Variants in MEGF8 observed in about 807,000 individuals in gnomAD.
The protein encoded by MEGF8 is multiple epidermal growth factor-like domains protein 8.
MEGF8 carries 156 observed loss-of-function variants against 302.9 expected under a neutral mutation model. That is an observed-to-expected ratio of 0.52 (90% confidence interval 0.45 to 0.59). MEGF8 has a LOEUF of 0.59. MEGF8 is among the 20% of genes least tolerant of loss of function. The pLI, the probability that MEGF8 is intolerant of heterozygous loss-of-function variation, is 0.00. For synonymous variants in MEGF8, 1,621 were observed against 1,660.5 expected (o/e 0.98, Z 0.58); for missense variants, 3,345 against 3,964.5 (o/e 0.84, Z 4.20).
Position 42,362,435 on chromosome 19 carries a change from A to G in MEGF8, c.5896A>G (p.Ile1966Val). ...WCTNCPEGAC[I>V]GRNGSCTSEN... is the part of the protein sequence containing the mutation. ...TACCAACTGCCCCGAAGGTGCTTGCATTGGACGCAATGGGTCCTGCACCTC... is the reference window on the plus strand; with the variant it reads ...TACCAACTGCCCCGAAGGTGCTTGCGTTGGACGCAATGGGTCCTGCACCTC... The change falls in exon 34 of 42, where the codon ATT (isoleucine) becomes GTT (valine). Residue 1966 changes from isoleucine to valine, a missense_variant. Ile to Val is a conservative substitution (Grantham distance 29). Transcript: ENST00000251268. The G allele has an allele frequency of 6.2e-7, 1 of 1,613,986 alleles. No individual in the cohort carries two copies. The highest frequency in any genetic ancestry group is 8.5e-7 in the Non-Finnish European group (1 of 1,179,882).
At chr19:42,362,260 G>A (rs753232251) in intron 33 of MEGF8, 47 bp downstream of exon 33, 3 of 1,609,566 alleles carry the variant, frequency 1.9e-6, no homozygotes, top group East Asian at 4.5e-5. Context: ...GTGTAGGGCA[G>A]GGAGGTCCTG....
At chr19:42,367,435 C>T (rs1314372564) in intron 35 of MEGF8, among the ~76,000 whole-genome samples, 1 of 152,078 alleles carries the variant, frequency 6.6e-6, no homozygotes, top group Non-Finnish European at 1.5e-5. Flanking sequence ...ACTACAGGCG[C>T]CCGCCACCAC....
Position 42,337,100 on chromosome 19 carries a change from C to A in MEGF8, c.1407C>A (p.Thr469=). The A allele has an allele frequency of 1.2e-6, 2 of 1,613,966 alleles. No individual in the cohort carries two copies. Among genetic ancestry groups the A allele is most frequent in the Non-Finnish European group, 1.7e-6 (2 of 1,179,866 alleles). ...YMVVYGGNVH[T]HYQEEKCYED... is the part of the protein sequence containing the mutation. ...CATTCCCAGGGGGCAATGTGCACACCCATTACCAGGAGGAAAAGTGCTACG... is the reference window on the plus strand; with the variant it reads ...CATTCCCAGGGGGCAATGTGCACACACATTACCAGGAGGAAAAGTGCTACG... The change falls in exon 8 of 42, where the codon ACC becomes ACA. Residue 469 remains threonine, a synonymous_variant. Transcript: ENST00000251268.
At position 42,368,785 on chromosome 19, in the gene MEGF8, A is replaced by C. The variant is rs1014187971; in HGVS notation, c.6482-58A>C. On this transcript the variant is annotated intron_variant, in intron 36 of 41. Transcript: ENST00000251268. The surrounding 1 kb of genome is among the most constrained non-coding windows in gnomAD (Gnocchi z 4.9). ...TCAGAGGAGGCAGGAGGGAGGGCCT[A>C]GGCAACTGGGGCAGGTGGTACAGAG... The C allele has an allele frequency of 1.3e-6, 2 of 1,583,410 alleles. No individual in the cohort carries two copies. Among genetic ancestry groups the C allele is most frequent in the African/African-American group, 2.7e-5 (2 of 74,506 alleles).
rs1177578461 is a variant in MEGF8 at position 42,377,324 on chromosome 19, G to T, written c.*549G>T. On this transcript the variant is annotated 3_prime_UTR_variant, in exon 42 of 42. Coordinates refer to ENST00000251268, the MANE Select transcript of MEGF8 (RefSeq NM_001271938.2). Reference sequence around the variant, plus strand: ...TTTTATTGGAAGGACCAGAAAACTGGTAAGTGTGACCCAGATCAAGTGTGA... The same window carrying T: ...TTTTATTGGAAGGACCAGAAAACTGTTAAGTGTGACCCAGATCAAGTGTGA... 6.5e-6 allele frequency: 1 copy of T among 153,066 alleles called. No homozygotes were observed. The highest frequency in any genetic ancestry group is 1.5e-5 in the Non-Finnish European group (1 of 68,388). 9.5% of individuals were successfully genotyped at this position (153,066 alleles called of 1,614,324 possible). A position where few individuals can be genotyped will look rare whatever the true frequency, so the allele number is the denominator to read the frequency against.
In MEGF8 at chr19:42,352,563, TC is replaced by T; in HGVS notation, c.3350+111del. On this transcript the variant is annotated intron_variant, in intron 19 of 41. Coordinates refer to ENST00000251268, the MANE Select transcript of MEGF8 (RefSeq NM_001271938.2). This position sits in a 1 kb window ranked among gnomAD's most constrained non-coding sequence, Gnocchi z 4.4. ...TGGGTCCCCTCCTGTGGAACCAGCA[TC>T]CCCAGTTAGCCAGGGGTTTTTACCT... The T allele has an allele frequency of 7.2e-7, 1 of 1,394,768 alleles. No individual in the cohort carries two copies. The highest frequency in any genetic ancestry group is 9.6e-7 in the Non-Finnish European group (1 of 1,043,168). 86.4% of individuals were successfully genotyped at this position (1,394,768 alleles called of 1,614,324 possible).
Position 42,376,197 on chromosome 19 carries a change from G to T in MEGF8, c.7960G>T (p.Val2654Phe), listed in dbSNP as rs373377277. ...CATTGACCTGTTTGTCTTCTTCTCC[G>T]TCTTCTTCTCCTGCTTCTTCCTCTT... ...AHIDLFVFFS[V>F]FFSCFFLFLS... The change falls in exon 42 of 42, where the codon GTC becomes TTC. Residue 2654 changes from valine to phenylalanine, a missense_variant. Physicochemically the swap from Val to Phe is conservative, Grantham distance 50 (BLOSUM62 -1). Transcript: ENST00000251268. The surrounding 1 kb of genome is among the most constrained non-coding windows in gnomAD (Gnocchi z 8.2). 6.2e-7 allele frequency: 1 copy of T among 1,606,502 alleles called. No individual in the cohort carries two copies. Among genetic ancestry groups the T allele is most frequent in the Non-Finnish European group, 8.5e-7 (1 of 1,176,748 alleles).
chr19:42,338,816 T>C (rs2039169733), intron 8 of MEGF8, among the ~76,000 whole-genome samples: 1 of 147,888 alleles, frequency 6.8e-6, no homozygotes, highest in Non-Finnish European at 1.5e-5. Context: ...TTTTTTTTTC[T>C]TTCTATGTAT....
In MEGF8 at chr19:42,368,662, G is replaced by A; in HGVS notation, c.6481G>A (p.Gly2161Arg). ...MEGGLSGPRDGLTCGRPGASW... is the reference protein window; with the variant it reads ...MEGGLSGPRDRLTCGRPGASW... ...GGGTGGACTCAGCGGCCCCCGTGAT[G>A]GTGAGAGGGCTTTGGGCACTGGGGG... is the stretch of plus-strand genomic sequence containing the variant. Residue 2161 changes from glycine (G) to arginine (R), a missense_variant and splice_region_variant, in exon 36 of 42, where the codon GGG (glycine) becomes AGG (arginine). Coordinates refer to ENST00000251268, the MANE Select transcript of MEGF8 (RefSeq NM_001271938.2). The surrounding 1 kb of genome is among the most constrained non-coding windows in gnomAD (Gnocchi z 4.9). 1 of 1,543,432 alleles carries A rather than the reference G, an allele frequency of 6.5e-7. No individual in the cohort carries two copies. The highest frequency in any genetic ancestry group is 8.7e-7 in the Non-Finnish European group (1 of 1,144,874).
Position 42,377,632 on chromosome 19 carries a change from C to A in MEGF8, c.*857C>A, listed in dbSNP as rs943769788. On this transcript the variant is annotated 3_prime_UTR_variant, in exon 42 of 42. Transcript: ENST00000251268. ...TGAAACCCCATGTCTACTAAAAATACAAAAATTAGCTGGGCATGGTGGCAC... is the reference window on the plus strand; with the variant it reads ...TGAAACCCCATGTCTACTAAAAATAAAAAAATTAGCTGGGCATGGTGGCAC... 6.6e-6 allele frequency: 1 copy of A among 152,042 alleles called. No individual in the cohort carries two copies. The highest frequency in any genetic ancestry group is 2.4e-5 in the African/African-American group (1 of 41,374). 9.4% of individuals were successfully genotyped at this position (152,042 alleles called of 1,614,324 possible). A position where few individuals can be genotyped will look rare whatever the true frequency, so the allele number is the denominator to read the frequency against.
intron 1 of MEGF8, among the ~76,000 whole-genome samples, chr19:42,332,697 T>G (rs1174336202): frequency 2.6e-5 from 4 of 152,218 alleles, no homozygotes. Flanking sequence ...GACAGCTGTG[T>G]TCTGAGAAGG....
In MEGF8 at chr19:42,376,722, G is replaced by A. The variant is rs1176227129; in HGVS notation, c.8485G>A (p.Ala2829Thr). ...TGGGGGCAGTGGGCATGGGACTGGTGCGGGCCGGAAGGGACTGTTGAGCCA... is the reference window on the plus strand; with the variant it reads ...TGGGGGCAGTGGGCATGGGACTGGTACGGGCCGGAAGGGACTGTTGAGCCA... ...GAGGSGHGTG[A>T]GRKGLLSQDN... Residue 2829 changes from alanine (A) to threonine (T), a missense_variant, in exon 42 of 42, where the codon GCG becomes ACG. Transcript: ENST00000251268. The surrounding 1 kb of genome is among the most constrained non-coding windows in gnomAD (Gnocchi z 8.2). 2.0e-5 allele frequency: 30 copies of A among 1,493,082 alleles called. No individual in the cohort carries two copies. Among genetic ancestry groups the A allele is most frequent in the Non-Finnish European group, 2.7e-5 (30 of 1,122,212 alleles). The allele number at this position is 1,493,082 out of a possible 1,614,324, so 92.5% of individuals were successfully genotyped here.
In MEGF8 at chr19:42,357,494, C is replaced by A. The variant is rs1484252887; in HGVS notation, c.4921C>A (p.Pro1641Thr). ...LSLLLVGGYSPENGFNQQLLE... is the reference protein window; with the variant it reads ...LSLLLVGGYSTENGFNQQLLE... ...TCTGCTCCTGGTGGGCGGTTACTCC[C>A]CGGAAAATGGCTTCAACCAGCAGCT... Residue 1641 changes from proline (P) to threonine (T), a missense_variant, in exon 28 of 42, where the codon CCG becomes ACG. By Grantham distance (38) the Pro-to-Thr change is conservative. Coordinates refer to ENST00000251268, the MANE Select transcript of MEGF8 (RefSeq NM_001271938.2). This position sits in a 1 kb window ranked among gnomAD's most constrained non-coding sequence, Gnocchi z 5.2. 1.2e-6 allele frequency: 2 copies of A among 1,613,844 alleles called. No homozygotes were observed. Among genetic ancestry groups the A allele is most frequent in the South Asian group, 2.2e-5 (2 of 91,086 alleles).
rs764771703 is a variant in MEGF8 at position 42,352,334 on chromosome 19, T to G, written c.3228T>G (p.Asp1076Glu). 1.9e-6 allele frequency: 3 copies of G among 1,585,738 alleles called. No homozygotes were observed. The highest frequency in any genetic ancestry group is 2.6e-6 in the Non-Finnish European group (3 of 1,166,818). Residue 1076 changes from aspartate to glutamate, a missense_variant, in exon 19 of 42, where the codon GAT (aspartate) becomes GAG (glutamate). Physicochemically the swap from Asp to Glu is conservative, Grantham distance 45. Coordinates refer to ENST00000251268, the MANE Select transcript of MEGF8 (RefSeq NM_001271938.2). The surrounding 1 kb of genome is among the most constrained non-coding windows in gnomAD (Gnocchi z 4.4). ...RWAYARCPDV[D>E]ECRLGLARCH... is the part of the protein sequence containing the mutation. ...CATACGCCCGCTGTCCTGACGTGGA[T>G]GAGTGTCGCCTGGGCCTGGCCCGGT...
In MEGF8 at chr19:42,354,908, G is replaced by A. The variant is rs1002580023; in HGVS notation, c.4144+188G>A. ...AATAGGATTGCGCCGGCTGAGCTAC[G>A]TCTGCAGAGAGAAGGGCTGAATGAG... On this transcript the variant is annotated intron_variant, in intron 23 of 41. Transcript: ENST00000251268. This position sits in a 1 kb window ranked among gnomAD's most constrained non-coding sequence, Gnocchi z 4.3. Among the ~76,000 whole-genome samples, 38 of 152,184 alleles carry A rather than the reference G, an allele frequency of 2.5e-4. No individual in the cohort carries two copies. Among genetic ancestry groups the A allele is most frequent in the Admixed American group, 2.2e-3 (34 of 15,286 alleles).
Position 42,356,125 on chromosome 19 carries a change from G to A in MEGF8, c.4435G>A (p.Asp1479Asn), listed in dbSNP as rs776947766. 2.0e-5 allele frequency: 31 copies of A among 1,582,552 alleles called. No individual in the cohort carries two copies. The highest frequency in any genetic ancestry group is 5.4e-5 in the African/African-American group (4 of 74,470). ...CICAEGFGGP[D>N]CATKLDGGQL... ...CTGTGCCGAGGGCTTCGGGGGCCCC[G>A]ACTGCGCCACCAAGCTGGATGGCGG... The change falls in exon 25 of 42, where the codon GAC becomes AAC. Residue 1479 changes from aspartate (D) to asparagine (N), a missense_variant. Asp to Asn is a conservative substitution (Grantham distance 23). Coordinates refer to ENST00000251268, the MANE Select transcript of MEGF8 (RefSeq NM_001271938.2). The surrounding 1 kb of genome is among the most constrained non-coding windows in gnomAD (Gnocchi z 5.2).
In MEGF8 at chr19:42,354,838, A is replaced by G. The variant is rs2039428483; in HGVS notation, c.4144+118A>G. ...TCTGCCGCTGCTTATGGGGTGATGT[A>G]GTCCCTCACCATCTCTGGACCTCAG... On this transcript the variant is annotated intron_variant, in intron 23 of 41. Coordinates refer to ENST00000251268, the MANE Select transcript of MEGF8 (RefSeq NM_001271938.2). The surrounding 1 kb of genome is among the most constrained non-coding windows in gnomAD (Gnocchi z 4.3). 2 of 1,127,776 alleles carry G rather than the reference A, an allele frequency of 1.8e-6. No individual in the cohort carries two copies. The highest frequency in any genetic ancestry group is 1.6e-5 in the South Asian group (1 of 61,736). 69.9% of individuals were successfully genotyped at this position (1,127,776 alleles called of 1,614,324 possible). A position where few individuals can be genotyped will look rare whatever the true frequency, so the allele number is the denominator to read the frequency against.
Position 42,350,314 on chromosome 19 carries a change from C to G in MEGF8, c.2666C>G (p.Ser889Cys), listed in dbSNP as rs753963611. 6.2e-7 allele frequency: 1 copy of G among 1,608,246 alleles called. No individual in the cohort carries two copies. Among genetic ancestry groups the G allele is most frequent in the Non-Finnish European group, 8.5e-7 (1 of 1,179,612 alleles). ...TGCGGGGATGACGGGGCTGGTGGGTCCCTGCTGGTGCTGGTGCCTACCCTC... is the reference window on the plus strand; with the variant it reads ...TGCGGGGATGACGGGGCTGGTGGGTGCCTGCTGGTGCTGGTGCCTACCCTC... The part of the protein sequence containing the change: ...AHCGDDGAGG[S>C]LLVLVPTLCP... Residue 889 changes from serine (S) to cysteine (C), a missense_variant, in exon 15 of 42, where the codon TCC becomes TGC. Ser to Cys is a moderately radical substitution (Grantham distance 112, BLOSUM62 -1). Transcript: ENST00000251268.
chr19:42,329,028 T>TA (rs2039022002), intron 1 of MEGF8, among the ~76,000 whole-genome samples: 1 of 152,020 alleles, frequency 6.6e-6, no homozygotes. Flanking sequence ...CAGGAGCCAC[T>TA]AAAATAGGGT....
Sources: allele counts gnomAD v4.1 joint callset (sites outside exome capture counted in the v4.1 genomes callset), GRCh38; gene constraint gnomAD v4.1.1; non-coding constraint Gnocchi (gnomAD v3.1); transcripts MANE v1.5; gene names NCBI Gene and HGNC (gene_info 2026-07-23, HGNC 2026-07-21).